The following PXYLP1 variants were observed in gnomAD, a reference collection of about 807,000 sequenced individuals.
PXYLP1 encodes the protein 2-phosphoxylose phosphatase 1.
A neutral mutation model predicts 37.9 loss-of-function variants in PXYLP1; 17 were observed. The ratio of observed to expected loss-of-function variants is 0.45; its 90% CI spans 0.31 to 0.67. The LOEUF (loss-of-function observed/expected upper bound fraction) is 0.67, where lower values mean the gene tolerates loss of function less well. Ranked by LOEUF, PXYLP1 falls within the 30% of genes least tolerant of loss-of-function variation. The pLI is 0.07. For synonymous variants in PXYLP1, 221 were observed against 232.2 expected (o/e 0.95, Z 0.44); for missense variants, 511 against 612.0 (o/e 0.84, Z 1.74).
chr3:141,240,551 G>A (rs1287226264), intron 1 of PXYLP1, among the ~76,000 whole-genome samples: 2 of 152,108 alleles, frequency 1.3e-5, no homozygotes, highest in Non-Finnish European at 2.9e-5. Context: ...TCAGTCGTGT[G>A]AGCATACCTT....
At chr3:141,273,147 T>G in intron 2 of PXYLP1, 1 of 985,502 alleles carries the variant, frequency 1.0e-6, no homozygotes, top group Non-Finnish European at 1.2e-6. Context: ...ATTTAATGTC[T>G]GACTGTCCCC....
At chr3:141,246,863 C>T (rs1940971851) in intron 1 of PXYLP1, among the ~76,000 whole-genome samples, 1 of 152,236 alleles carries the variant, frequency 6.6e-6, no homozygotes, top group Non-Finnish European at 1.5e-5. Context: ...GTTTCTCATA[C>T]ATGTGTCTCA....
chr3:141,236,174 G>C (rs191845723), intron 1 of PXYLP1: 5 of 152,274 alleles, frequency 3.3e-5, no homozygotes, highest in Admixed American at 2.0e-4. Context: ...AGGAGAGTTT[G>C]GGGGAACTCA....
chr3:141,246,363 T>G (rs910067672), intron 1 of PXYLP1, among the ~76,000 whole-genome samples: 4 of 152,192 alleles, frequency 2.6e-5, no homozygotes, highest in African/African-American at 9.7e-5. Context: ...GTCATTTGAT[T>G]ACATAATGAA....
chr3:141,293,053 C>G lies in PXYLP1; in HGVS notation c.1291C>G (p.His431Asp), dbSNP rs1177444104. 1.2e-6 allele frequency: 2 copies of G among 1,614,200 alleles called. No homozygotes were observed. Among genetic ancestry groups the G allele is most frequent in the East Asian group, 4.5e-5 (2 of 44,878 alleles). Residue 431 changes from histidine to aspartate, a missense_variant, in exon 6 of 6, where the codon CAC (histidine) becomes GAC (aspartate). Coordinates refer to ENST00000286353, the MANE Select transcript of PXYLP1 (RefSeq NM_001037172.3). The stretch of plus-strand genomic sequence containing the variant: ...TTACAATGGCGTCGATGTCACATTC[C>G]ACACCTCTTTCTGCCAAGACCACCA... ...ILYNGVDVTF[H>D]TSFCQDHHKR... is the part of the protein sequence containing the mutation.
intron 1 of PXYLP1, among the ~76,000 whole-genome samples, chr3:141,259,797 A>G (rs1576587197): frequency 6.6e-6 from 1 of 152,260 alleles, no homozygotes; most frequent in East Asian, 1.9e-4. Context: ...TGTCCAGCAC[A>G]TTGTAAATAC....
chr3:141,249,088 A>G (rs1009674534), intron 1 of PXYLP1, among the ~76,000 whole-genome samples: 2 of 152,072 alleles, frequency 1.3e-5, no homozygotes, highest in Non-Finnish European at 2.9e-5. Context: ...GACACTGTCA[A>G]CCTCCTACTA....
At chr3:141,269,544 G>A (rs1199238316) in intron 2 of PXYLP1, among the ~76,000 whole-genome samples, 3 of 152,024 alleles carry the variant, frequency 2.0e-5, no homozygotes, top group African/African-American at 7.3e-5. Context: ...CTGTTTCCAG[G>A]TACTTTGGGT....
At chr3:141,271,598 C>T (rs1288055791) in intron 2 of PXYLP1, among the ~76,000 whole-genome samples, 5 of 152,146 alleles carry the variant, frequency 3.3e-5, no homozygotes, top group Non-Finnish European at 7.4e-5. Context: ...TCACATTTCC[C>T]GGGAAACTCT....
At chr3:141,287,232 G>C in intron 4 of PXYLP1, 82 bp from the exon 5 acceptor site, 1 of 1,487,540 alleles carries the variant, frequency 6.7e-7, no homozygotes, top group Non-Finnish European at 9.2e-7. Context: ...CGATACACGT[G>C]GGATTTGGCT....
intron 2 of PXYLP1, chr3:141,274,618 C>T (rs1559891663): frequency 2.5e-6 from 2 of 800,284 alleles, no homozygotes; most frequent in Non-Finnish European, 4.2e-6. Context: ...TGCCCCAGTT[C>T]AGCAGGTATT....
intron 2 of PXYLP1, chr3:141,273,995 T>C (rs908288798): frequency 1.5e-5 from 15 of 985,822 alleles, no homozygotes; most frequent in Non-Finnish European, 1.8e-5. Context: ...CTATTCTTTC[T>C]GATGCCCCCA....
At chr3:141,259,377 T>C (rs1447300370) in intron 1 of PXYLP1, among the ~76,000 whole-genome samples, 2 of 144,422 alleles carry the variant, frequency 1.4e-5, no homozygotes, top group African/African-American at 5.2e-5. Context: ...GGGTAGAAGT[T>C]ATAGTAGTCA....
At chr3:141,273,046 C>G in intron 2 of PXYLP1, 1 of 985,456 alleles carries the variant, frequency 1.0e-6, no homozygotes, top group Non-Finnish European at 1.2e-6. Context: ...ACCTGCACCC[C>G]CCAACCAGCA....
At position 141,292,189 on chromosome 3, in the gene PXYLP1, C is replaced by T. The variant is rs995732383; in HGVS notation, c.506-79C>T. The stretch of plus-strand genomic sequence containing the variant: ...CTCTTGCCCTAAAACACTCCAGAGC[C>T]ACACGCTGACTCCACCTCCCCTTGC... On this transcript the variant is annotated intron_variant, in intron 5 of 5. Transcript: ENST00000286353. This position sits in a 1 kb window ranked among gnomAD's most constrained non-coding sequence, Gnocchi z 4.3. The T allele has an allele frequency of 3.6e-5, 49 of 1,380,200 alleles. No individual in the cohort carries two copies. In the African/African-American group the frequency reaches 5.4e-4, roughly 15 times the overall value. The allele number at this position is 1,380,200 out of a possible 1,614,324, so 85.5% of individuals were successfully genotyped here.
At chr3:141,262,847 A>G in intron 2 of PXYLP1, 1 of 692,210 alleles carries the variant, frequency 1.4e-6, no homozygotes, top group South Asian at 1.9e-5. Flanking sequence ...CATAACGCAC[A>G]GGTTTCGCTT....
chr3:141,281,739 C>T (rs2148821515), intron 4 of PXYLP1, among the ~76,000 whole-genome samples: 1 of 152,228 alleles, frequency 6.6e-6, no homozygotes, highest in South Asian at 2.1e-4. Context: ...CAGGCAGAAG[C>T]TGGTGCTGAA....
intron 1 of PXYLP1, among the ~76,000 whole-genome samples, chr3:141,245,217 T>C (rs1940909449): frequency 6.6e-6 from 1 of 151,894 alleles, no homozygotes; most frequent in South Asian, 2.1e-4. Flanking sequence ...GCCCAGCTAA[T>C]TTTTGTATTT....
At chr3:141,274,993 G>T (rs760522902) in intron 2 of PXYLP1, among the ~76,000 whole-genome samples, 17 of 152,178 alleles carry the variant, frequency 1.1e-4, no homozygotes, top group Admixed American at 6.5e-5. Context: ...GTTGGGATTG[G>T]GGTCAAGATG....
Sources: gnomAD v4.1 joint callset for allele counts (sites outside exome capture counted in the v4.1 genomes callset) on GRCh38, gnomAD v4.1.1 for gene constraint, Gnocchi (gnomAD v3.1) non-coding constraint, MANE v1.5 for transcripts, NCBI Gene and HGNC (gene_info 2026-07-23, HGNC 2026-07-21) for gene names.